ATP8B1: variants seen among roughly 807,000 people sequenced by gnomAD.
ATP8B1 encodes phospholipid-transporting ATPase IC.
Under a neutral mutation model 149.9 loss-of-function variants are expected in ATP8B1, and 80 were observed. The observed-to-expected ratio is 0.53, with a 90% confidence interval of 0.45 to 0.64. The LOEUF is 0.64. Ranked by LOEUF, ATP8B1 falls within the 30% of genes least tolerant of loss-of-function variation. The pLI, the probability that ATP8B1 is intolerant of heterozygous loss-of-function variation, is 0.00. For synonymous variants in ATP8B1, 536 were observed against 562.8 expected (o/e 0.95, Z 0.67); for missense variants, 1,247 against 1,552.6 (o/e 0.80, Z 3.31).
chr18:57,745,545 T>C (rs1170752841), intron 1 of ATP8B1, among the ~76,000 whole-genome samples: 1 of 152,116 alleles, frequency 6.6e-6, no homozygotes, highest in Non-Finnish European at 1.5e-5. Context: ...GTGCTGGGAT[T>C]ACAAGAGTGA....
chr18:57,656,411 A>G (rs1909998719), intron 22 of ATP8B1, among the ~76,000 whole-genome samples: 1 of 147,298 alleles, frequency 6.8e-6, no homozygotes, highest in Non-Finnish European at 1.5e-5. Context: ...TTTGAGATGA[A>G]GTCTCACTCT....
intron 25 of ATP8B1, 103 bp from the exon 26 acceptor site, chr18:57,652,275 T>G: frequency 1.3e-6 from 2 of 1,521,092 alleles, no homozygotes; most frequent in Non-Finnish European, 1.8e-6. Flanking sequence ...TTAGGCATGA[T>G]GTGGCTTGAA....
intron 1 of ATP8B1, among the ~76,000 whole-genome samples, chr18:57,778,222 C>CTTT (rs200469930): frequency 1.5e-4 from 14 of 94,970 alleles, no homozygotes; most frequent in African/African-American, 3.1e-4. Context: ...GTTTCTTTTT[C>CTTT]TTTTTCTTTT....
intron 23 of ATP8B1, 139 bp downstream of exon 23, chr18:57,655,055 C>A: frequency 1.3e-6 from 1 of 782,770 alleles, no homozygotes; most frequent in Non-Finnish European, 2.1e-6. Flanking sequence ...CATGATCATT[C>A]TTAATTATGC....
intron 22 of ATP8B1, among the ~76,000 whole-genome samples, chr18:57,660,057 T>C (rs1034450316): frequency 1.3e-5 from 2 of 152,068 alleles, no homozygotes; most frequent in East Asian, 1.9e-4. Context: ...ATTTTGGCAA[T>C]AGGATGAGGA....
At chr18:57,713,157 C>CTCTTTCTTTCTTTCTTTCTTTCTTTTCTT (rs1913768539) in intron 2 of ATP8B1, among the ~76,000 whole-genome samples, 3 of 92,084 alleles carry the variant, frequency 3.3e-5, no homozygotes, top group Admixed American at 1.2e-4. Context: ...CTTGATCTTT[C>CTCTTTCTTTCTTTCTTTCTTTCTTTTCTT]TCTTTCTTTC....
intron 22 of ATP8B1, 58 bp downstream of exon 22, chr18:57,661,116 C>G (rs1910364249): frequency 1.3e-6 from 2 of 1,598,630 alleles, no homozygotes; most frequent in African/African-American, 2.7e-5. Context: ...CCTACACATT[C>G]CAGCCATTTC....
At chr18:57,650,268 A>C in intron 27 of ATP8B1, 99 bp downstream of exon 27, 1 of 1,471,092 alleles carries the variant, frequency 6.8e-7, no homozygotes, top group Non-Finnish European at 9.4e-7. Flanking sequence ...ATTCTTACCA[A>C]ACTTCCCATG....
chr18:57,733,152 C>G (rs2079806512), intron 1 of ATP8B1, among the ~76,000 whole-genome samples: 1 of 152,128 alleles, frequency 6.6e-6, no homozygotes, highest in Admixed American at 6.6e-5. Context: ...AATATTTACA[C>G]AAATACCTCA....
At chr18:57,660,968 C>T (rs1230640578) in intron 22 of ATP8B1, among the ~76,000 whole-genome samples, 2 of 152,210 alleles carry the variant, frequency 1.3e-5, no homozygotes, top group African/African-American at 4.8e-5. Flanking sequence ...GAAGCCCTGT[C>T]AGTGATACTC....
intron 1 of ATP8B1, among the ~76,000 whole-genome samples, chr18:57,749,949 C>T (rs2080000235): frequency 6.6e-6 from 1 of 152,084 alleles, no homozygotes; most frequent in South Asian, 2.1e-4. Context: ...TAAGGATAAA[C>T]TAGGGGTTTA....
chr18:57,668,727 A>G, intron 18 of ATP8B1, 187 bp from the exon 19 acceptor site: 1 of 556,006 alleles, frequency 1.8e-6, no homozygotes, highest in South Asian at 2.5e-5. Context: ...AAACCAACAC[A>G]CCTAAAAACT....
At chr18:57,665,963 C>T (rs559175730) in intron 20 of ATP8B1, among the ~76,000 whole-genome samples, 2 of 152,234 alleles carry the variant, frequency 1.3e-5, no homozygotes, top group Non-Finnish European at 2.9e-5. Context: ...CATAAGGCTA[C>T]TGATTTTGTC....
At chr18:57,761,113 AT>A (rs59789459) in intron 1 of ATP8B1, among the ~76,000 whole-genome samples, 7,460 of 26,468 alleles carry the variant, frequency 0.28, 293 homozygotes, top group South Asian at 0.34. Context: ...AAAATAAAAT[AT>A]AAAATAAAAT....
At chr18:57,776,686 T>TA (rs751542237) in intron 1 of ATP8B1, among the ~76,000 whole-genome samples, 2,833 of 111,392 alleles carry the variant, frequency 0.025, 74 homozygotes, top group African/African-American at 0.084. Flanking sequence ...ACCAAGTCAC[T>TA]AAAAAAAAAA....
At chr18:57,726,360 G>A (rs1599159948) in intron 2 of ATP8B1, among the ~76,000 whole-genome samples, 1 of 152,192 alleles carries the variant, frequency 6.6e-6, no homozygotes, top group East Asian at 1.9e-4. Flanking sequence ...GAGATCACAA[G>A]TTAAAAAGCT....
At chr18:57,658,109 C>T (rs908556074) in intron 22 of ATP8B1, among the ~76,000 whole-genome samples, 2 of 151,326 alleles carry the variant, frequency 1.3e-5, no homozygotes, top group Admixed American at 1.3e-4. Context: ...TGCAGTGGTG[C>T]GATCTTGGCT....
At chr18:57,693,756 CTG>C (rs201134445) in intron 11 of ATP8B1, among the ~76,000 whole-genome samples, 3,884 of 152,098 alleles carry the variant, frequency 0.026, 144 homozygotes, top group African/African-American at 0.088. Context: ...TGATGCCTAA[CTG>C]TGCAAACAGC....
intron 1 of ATP8B1, among the ~76,000 whole-genome samples, chr18:57,801,170 AC>A (rs1438863722): frequency 6.6e-6 from 1 of 152,226 alleles, no homozygotes; most frequent in African/African-American, 2.4e-5. Flanking sequence ...AGCTGACCTC[AC>A]ACAGGTGGCA....
Sources: allele counts gnomAD v4.1 joint callset (sites outside exome capture counted in the v4.1 genomes callset), GRCh38; gene constraint gnomAD v4.1.1; transcripts MANE v1.5; gene names NCBI Gene and HGNC (gene_info 2026-07-23, HGNC 2026-07-21).